SORCS1: variants seen among roughly 807,000 people sequenced by gnomAD.
The protein encoded by SORCS1 is VPS10 domain-containing receptor SorCS1.
In SORCS1, 60 loss-of-function variants were observed where a neutral mutation model predicts 146.1. The observed-to-expected ratio is 0.41, with a 90% CI of 0.33 to 0.51. The LOEUF is 0.51. Ranked by LOEUF, SORCS1 falls within the 20% of genes least tolerant of loss-of-function variation. SORCS1 has a pLI of 0.21. For missense variants in SORCS1, 1,352 were observed against 1,487.6 expected (o/e 0.91, Z 1.50); for synonymous variants, 637 against 584.0 (o/e 1.09, Z -1.31).
intron 1 of SORCS1, among the ~76,000 whole-genome samples, chr10:107,128,249 T>C (rs774423489): frequency 6.6e-6 from 1 of 152,230 alleles, no homozygotes; most frequent in Non-Finnish European, 1.5e-5. Flanking sequence ...GCCTAAATCA[T>C]GTTCTTCATG....
At chr10:106,843,781 A>C (rs1323191897) in intron 2 of SORCS1, among the ~76,000 whole-genome samples, 1 of 152,102 alleles carries the variant, frequency 6.6e-6, no homozygotes, top group Admixed American at 6.6e-5. Flanking sequence ...TGTATATATA[A>C]TACATTTTCT....
intron 2 of SORCS1, among the ~76,000 whole-genome samples, chr10:106,851,309 G>A (rs544437485): frequency 6.6e-6 from 1 of 152,210 alleles, no homozygotes; most frequent in Admixed American, 6.5e-5. Flanking sequence ...TTATCTTCAG[G>A]AGTTTTATAG....
intron 1 of SORCS1, among the ~76,000 whole-genome samples, chr10:107,022,511 C>T (rs949796880): frequency 1.1e-4 from 17 of 152,014 alleles, no homozygotes; most frequent in Admixed American, 3.3e-4. Flanking sequence ...TTAAGGCAAG[C>T]TCCTTGGACT....
chr10:107,056,948 C>T (rs763274822), intron 1 of SORCS1, among the ~76,000 whole-genome samples: 9 of 152,204 alleles, frequency 5.9e-5, no homozygotes, highest in Non-Finnish European at 7.3e-5. Flanking sequence ...CCCCTTTCAG[C>T]GTGCCCTGGA....
chr10:106,610,167 G>C, intron 22 of SORCS1, among the ~76,000 whole-genome samples: 1 of 152,044 alleles, frequency 6.6e-6, no homozygotes, highest in East Asian at 1.9e-4. Flanking sequence ...TTGCTCAGAG[G>C]CACATGAAGA....
At chr10:107,082,321 G>A (rs1963391034) in intron 1 of SORCS1, among the ~76,000 whole-genome samples, 1 of 152,028 alleles carries the variant, frequency 6.6e-6, no homozygotes, top group Admixed American at 6.5e-5. Context: ...GTTGGGTTTT[G>A]TTTTGTTTTG....
chr10:106,762,692 C>T (rs1295869415), intron 4 of SORCS1, among the ~76,000 whole-genome samples: 3 of 152,026 alleles, frequency 2.0e-5, no homozygotes, highest in Non-Finnish European at 4.4e-5. Context: ...CCACCGTGCC[C>T]AGCCTATTAT....
intron 1 of SORCS1, among the ~76,000 whole-genome samples, chr10:106,985,906 C>A (rs1956451154): frequency 6.6e-6 from 1 of 151,808 alleles, no homozygotes; most frequent in Non-Finnish European, 1.5e-5. Flanking sequence ...ACACAGAGTA[C>A]CCCTTTCCCC....
rs912774237 is a variant in SORCS1, at chr10:106,904,855, C to A, written c.626+51658G>T. 2.0e-5 allele frequency among the ~76,000 whole-genome samples: 3 copies of A among 151,956 alleles called. No homozygotes were observed. In the East Asian group the frequency reaches 5.8e-4, roughly 29 times the overall value. ...TTACTAACTTCAAGAAGTCAAATTA[C>A]GTAATTAAACACATCTTAAATAAAA... On this transcript the variant is annotated intron_variant, in intron 2 of 25. Coordinates refer to ENST00000263054, the MANE Select transcript of SORCS1 (RefSeq NM_052918.5).
chr10:106,971,683 T>C (rs1054453512), intron 1 of SORCS1, among the ~76,000 whole-genome samples: 6 of 152,252 alleles, frequency 3.9e-5, no homozygotes, highest in Non-Finnish European at 5.9e-5. Context: ...TTGATTTTCC[T>C]GTTCTTTCGT....
At chr10:106,945,944 G>A (rs1210137255) in intron 2 of SORCS1, among the ~76,000 whole-genome samples, 1 of 152,170 alleles carries the variant, frequency 6.6e-6, no homozygotes, top group Non-Finnish European at 1.5e-5. Context: ...CTAAGATTTT[G>A]TTAAAATCAA....
intron 8 of SORCS1, 126 bp from the exon 9 acceptor site, chr10:106,699,519 T>A: frequency 1.4e-6 from 1 of 727,838 alleles, no homozygotes; most frequent in Non-Finnish European, 2.1e-6. Flanking sequence ...GATAGCTTCC[T>A]TTTGCATATA....
At chr10:106,693,690 A>G (rs1379852069) in intron 9 of SORCS1, among the ~76,000 whole-genome samples, 2 of 152,112 alleles carry the variant, frequency 1.3e-5, no homozygotes, top group African/African-American at 4.8e-5. Flanking sequence ...AAACACAGGT[A>G]TCTCCCTTGC....
intron 3 of SORCS1, among the ~76,000 whole-genome samples, chr10:106,783,579 A>G (rs10748927): frequency 0.47 from 72,066 of 152,064 alleles, 17,590 homozygotes; most frequent in African/African-American, 0.6. Context: ...AAAAAAAGAG[A>G]CAGCAAGAAG....
Position 106,604,272 on chromosome 10 carries a change from T to A in SORCS1, c.3165+2894A>T, listed in dbSNP as rs550445433. 5.9e-5 allele frequency among the ~76,000 whole-genome samples: 9 copies of A among 152,230 alleles called. 1 individual carries two copies. In the South Asian group the frequency reaches 1.0e-3, roughly 18 times the overall value. On this transcript the variant is annotated intron_variant, in intron 23 of 25. Coordinates refer to ENST00000263054, the MANE Select transcript of SORCS1 (RefSeq NM_052918.5). ...TTCTCAATTAAATTAATTCAAAAAC[T>A]CCCTTTATTTTTACCCATAAAGTTA...
At chr10:106,869,495 T>C (rs756136886) in intron 2 of SORCS1, among the ~76,000 whole-genome samples, 10 of 152,190 alleles carry the variant, frequency 6.6e-5, no homozygotes, top group Non-Finnish European at 1.2e-4. Flanking sequence ...TAATCCACCA[T>C]GATCAAGTAG....
At chr10:106,607,378 AG>A (rs1309180139) in intron 22 of SORCS1, 81 bp from the exon 23 acceptor site, 14 of 1,552,574 alleles carry the variant, frequency 9.0e-6, no homozygotes, top group African/African-American at 1.4e-5. Context: ...TGGGGGGATC[AG>A]GGGTAGGCAG....
chr10:106,903,890 T>C lies in SORCS1; in HGVS notation c.626+52623A>G, dbSNP rs556297080. On this transcript the variant is annotated intron_variant, in intron 2 of 25. Transcript: ENST00000263054. ...AGTTTTATTTGCCTGTTTATTGTGG[T>C]CTCTCTGAAACAAATGATGGGTTGC... Among the ~76,000 whole-genome samples, 7 of 152,308 alleles carry C rather than the reference T, an allele frequency of 4.6e-5. No homozygotes were observed. The East Asian group carries it at 1.4e-3, about 29-fold the overall frequency.
chr10:106,866,217 C>A (rs1016994780), intron 2 of SORCS1, among the ~76,000 whole-genome samples: 3 of 152,078 alleles, frequency 2.0e-5, no homozygotes, highest in African/African-American at 7.2e-5. Flanking sequence ...TACCCTCCAA[C>A]AAACAAAAGA....
Sources: allele counts gnomAD v4.1 joint callset (sites outside exome capture counted in the v4.1 genomes callset), GRCh38; gene constraint gnomAD v4.1.1; transcripts MANE v1.5; gene names NCBI Gene and HGNC (gene_info 2026-07-23, HGNC 2026-07-21).